FBXL17: variants seen among roughly 807,000 people sequenced by gnomAD.
FBXL17 encodes F-box and leucine rich repeat protein 17.
FBXL17 carries 22 observed loss-of-function variants against 66.2 expected under a neutral mutation model. The observed-to-expected ratio is 0.33, with a 90% CI of 0.24 to 0.47. The LOEUF (loss-of-function observed/expected upper bound fraction) is 0.47, where lower values mean the gene tolerates loss of function less well. Among genes scored for constraint, FBXL17 ranks in the 20% least tolerant of loss-of-function variants. The pLI is 1.00. For missense variants in FBXL17, 878 were observed against 948.2 expected (o/e 0.93, Z 0.97); for synonymous variants, 474 against 400.5 (o/e 1.18, Z -2.19).
At chr5:108,291,996 T>C (rs1580756846) in intron 4 of FBXL17, among the ~76,000 whole-genome samples, 1 of 152,094 alleles carries the variant, frequency 6.6e-6, no homozygotes, top group Non-Finnish European at 1.5e-5. Flanking sequence ...TCTATCTCCA[T>C]CCTCTACAGA....
chr5:107,954,724 A>G (rs979875889), intron 7 of FBXL17, among the ~76,000 whole-genome samples: 2 of 152,208 alleles, frequency 1.3e-5, no homozygotes, highest in Admixed American at 6.5e-5. Flanking sequence ...AGATGGAAAG[A>G]AAGTGGTTTT....
At chr5:108,302,618 G>A (rs60708884) in intron 4 of FBXL17, among the ~76,000 whole-genome samples, 1,709 of 151,582 alleles carry the variant, frequency 0.011, 31 homozygotes, top group African/African-American at 0.039. Context: ...TAACCTAATT[G>A]AACTGTTAAT....
intron 4 of FBXL17, among the ~76,000 whole-genome samples, chr5:108,237,605 C>G (rs1159036619): frequency 6.6e-6 from 1 of 152,106 alleles, no homozygotes; most frequent in Non-Finnish European, 1.5e-5. Context: ...AGGTCCATGA[C>G]TGATGGAGTC....
chr5:107,899,341 C>G (rs1387125915), intron 7 of FBXL17, among the ~76,000 whole-genome samples: 1 of 152,084 alleles, frequency 6.6e-6, no homozygotes, highest in East Asian at 1.9e-4. Flanking sequence ...CAGTAGTTAA[C>G]TTGGGGGGAA....
At chr5:108,366,776 T>C (rs1325991972) in intron 2 of FBXL17, among the ~76,000 whole-genome samples, 4 of 152,236 alleles carry the variant, frequency 2.6e-5, no homozygotes, top group East Asian at 1.9e-4. Context: ...ATTATCTTAA[T>C]AGTTTTAACC....
At chr5:108,123,399 C>A (rs1042501595) in intron 6 of FBXL17, among the ~76,000 whole-genome samples, 1 of 152,090 alleles carries the variant, frequency 6.6e-6, no homozygotes, top group Admixed American at 6.5e-5. Context: ...AGATCAGCAA[C>A]CATGTGTGCA....
chr5:108,359,680 TTTTTA>T (rs1376002214), intron 3 of FBXL17, among the ~76,000 whole-genome samples: 4 of 152,304 alleles, frequency 2.6e-5, no homozygotes, highest in African/African-American at 9.6e-5. Flanking sequence ...ATTTCAATCT[TTTTTA>T]AATGTATAAA....
intron 4 of FBXL17, among the ~76,000 whole-genome samples, chr5:108,309,131 CATCAATACA>C (rs1758994210): frequency 6.6e-6 from 1 of 152,034 alleles, no homozygotes; most frequent in African/African-American, 2.4e-5. Flanking sequence ...GACTATGATA[CATCAATACA>C]ATGGAAGACC....
intron 7 of FBXL17, among the ~76,000 whole-genome samples, chr5:107,890,761 A>C (rs1033515518): frequency 1.3e-5 from 2 of 152,166 alleles, no homozygotes; most frequent in Non-Finnish European, 2.9e-5. Flanking sequence ...GTGAAAACAT[A>C]CATGTTGTCA....
intron 7 of FBXL17, among the ~76,000 whole-genome samples, chr5:107,954,544 C>A (rs1751599385): frequency 6.6e-6 from 1 of 152,182 alleles, no homozygotes. Flanking sequence ...GCAAAGACAG[C>A]TGATTTTAAT....
At position 107,891,509 on chromosome 5, in the gene FBXL17, G is replaced by A. The variant is rs1749195730; in HGVS notation, c.1823-10330C>T. Among the ~76,000 whole-genome samples, 4 of 152,276 alleles carry A rather than the reference G, an allele frequency of 2.6e-5. No individual in the cohort carries two copies. The South Asian group carries it at 8.3e-4, about 32-fold the overall frequency. On this transcript the variant is annotated intron_variant, in intron 7 of 8. Transcript: ENST00000542267. ...CATTGCAATTATCCAAGCAAGAAGT[G>A]ATAATGGATTGGCCTAGGGCTGCAT...
chr5:108,184,309 G>A (rs528693448), intron 6 of FBXL17, among the ~76,000 whole-genome samples: 12 of 151,818 alleles, frequency 7.9e-5, no homozygotes, highest in African/African-American at 2.7e-4. Flanking sequence ...TTGTTTTTTC[G>A]TTTTTTTGTT....
intron 4 of FBXL17, among the ~76,000 whole-genome samples, chr5:108,249,766 G>C (rs1756265169): frequency 6.6e-6 from 1 of 152,190 alleles, no homozygotes; most frequent in South Asian, 2.1e-4. Context: ...TATATTTTCT[G>C]GAACATGCTA....
chr5:108,224,587 G>A (rs2044709), intron 4 of FBXL17, among the ~76,000 whole-genome samples: 2 of 151,036 alleles, frequency 1.3e-5, no homozygotes, highest in East Asian at 3.9e-4. Context: ...GGTTTGTTTT[G>A]GGGTTTTTTG....
chr5:107,927,631 C>T (rs571473923), intron 7 of FBXL17, among the ~76,000 whole-genome samples: 2 of 152,102 alleles, frequency 1.3e-5, no homozygotes, highest in South Asian at 4.2e-4. Flanking sequence ...ATAAAAGAGC[C>T]TATTATCTAT....
At chr5:108,246,681 T>C (rs1436603025) in intron 4 of FBXL17, among the ~76,000 whole-genome samples, 1 of 152,188 alleles carries the variant, frequency 6.6e-6, no homozygotes, top group African/African-American at 2.4e-5. Context: ...GCATCTCCCA[T>C]TGAGTTGTAA....
At chr5:108,247,529 G>T (rs1305196532) in intron 4 of FBXL17, among the ~76,000 whole-genome samples, 1 of 151,908 alleles carries the variant, frequency 6.6e-6, no homozygotes, top group African/African-American at 2.4e-5. Flanking sequence ...TCATAAATAA[G>T]GTCATTCTCC....
chr5:108,250,626 T>TA (rs1490820418), intron 4 of FBXL17, among the ~76,000 whole-genome samples: 4 of 152,058 alleles, frequency 2.6e-5, no homozygotes, highest in Non-Finnish European at 5.9e-5. Flanking sequence ...TAGTGGCATT[T>TA]AAAAAATAAA....
intron 6 of FBXL17, among the ~76,000 whole-genome samples, chr5:108,053,882 C>T (rs1222659842): frequency 2.6e-5 from 4 of 152,110 alleles, no homozygotes; most frequent in African/African-American, 7.2e-5. Context: ...CAATGATAGA[C>T]TTGATAAAGA....
Sources: gnomAD v4.1 joint callset for allele counts (sites outside exome capture counted in the v4.1 genomes callset) on GRCh38, gnomAD v4.1.1 for gene constraint, MANE v1.5 for transcripts, NCBI Gene and HGNC (gene_info 2026-07-23, HGNC 2026-07-21) for gene names.